The following NMD3 variants were observed in gnomAD, a reference collection of about 807,000 sequenced individuals.
The protein encoded by NMD3 is 60S ribosomal export protein NMD3.
Under a neutral mutation model 73.1 loss-of-function variants are expected in NMD3, and 47 were observed. The observed-to-expected ratio is 0.64, with a 90% CI of 0.51 to 0.82. NMD3 has a LOEUF of 0.82. Among genes scored for constraint, NMD3 ranks in the 40% least tolerant of loss-of-function variants. The probability of loss-of-function intolerance (pLI) is 0.00; values close to 1 mark genes in which losing one functional copy is unlikely to be tolerated. For missense variants in NMD3, 554 were observed against 612.5 expected, an observed-to-expected ratio of 0.90 and a Z score of 1.01; for synonymous variants, 210 against 194.5, an observed-to-expected ratio of 1.08 and a Z score of -0.66.
chr3:161,241,403 AT>A (rs1736978949), intron 10 of NMD3, among the ~76,000 whole-genome samples: 1 of 145,712 alleles, frequency 6.9e-6, no homozygotes, highest in Non-Finnish European at 1.5e-5. Flanking sequence ...TATTCCATTA[AT>A]TTTTACTGAA....
intron 4 of NMD3, among the ~76,000 whole-genome samples, chr3:161,228,903 CTG>C (rs1286245577): frequency 6.6e-6 from 1 of 152,062 alleles, no homozygotes. Flanking sequence ...AGGATAAGAA[CTG>C]TGCATGGAAG....
chr3:161,240,975 T>G, intron 9 of NMD3, 71 bp from the exon 10 acceptor site: 1 of 850,690 alleles, frequency 1.2e-6, no homozygotes, highest in Non-Finnish European at 1.9e-6. Context: ...GGATTGGGTG[T>G]TTATTGATGA....
At chr3:161,241,551 GCTGGGAT>G (rs1398691316) in intron 10 of NMD3, among the ~76,000 whole-genome samples, 1 of 151,636 alleles carries the variant, frequency 6.6e-6, no homozygotes, top group Non-Finnish European at 1.5e-5. Flanking sequence ...TTCCCAAGTA[GCTGGGAT>G]TACAGGTGCC....
At position 161,235,200 on chromosome 3, in the gene NMD3, A is replaced by G; in HGVS notation, c.565A>G (p.Lys189Glu). 1 of 1,510,230 alleles carries G rather than the reference A, an allele frequency of 6.6e-7. No individual in the cohort carries two copies. Among genetic ancestry groups the G allele is most frequent in the East Asian group, 2.3e-5 (1 of 43,926 alleles). 93.6% of individuals were successfully genotyped at this position (1,510,230 alleles called of 1,614,324 possible). A position where few individuals can be genotyped will look rare whatever the true frequency, so the allele number is the denominator to read the frequency against. ...YGMHQNTLRI[K>E]EIHDGLDFYY... ...AATGCATCAGAATACACTTCGTATCAAAGAGATTCATGGTGAGTTAAAACT... is the reference window on the plus strand; with the variant it reads ...AATGCATCAGAATACACTTCGTATCGAAGAGATTCATGGTGAGTTAAAACT... Residue 189 changes from lysine to glutamate, a missense_variant, in exon 7 of 16, where the codon AAA (lysine) becomes GAA (glutamate). Lys to Glu is a moderately conservative substitution (Grantham distance 56, BLOSUM62 1). Coordinates refer to ENST00000351193, the MANE Select transcript of NMD3 (RefSeq NM_015938.5).
intron 11 of NMD3, among the ~76,000 whole-genome samples, chr3:161,244,450 T>G (rs1330401512): frequency 6.6e-6 from 1 of 152,186 alleles, no homozygotes; most frequent in Admixed American, 6.5e-5. Context: ...TATTAATTCT[T>G]TTAGCAAATA....
At chr3:161,247,401 A>G in intron 13 of NMD3, 71 bp downstream of exon 13, 1 of 844,264 alleles carries the variant, frequency 1.2e-6, no homozygotes, top group Non-Finnish European at 1.9e-6. Flanking sequence ...GGTAAGAGGT[A>G]GGAGTTCACA....
chr3:161,247,338 T>G lies in NMD3; in HGVS notation c.1203+8T>G. 1 of 1,586,248 alleles carries G rather than the reference T, an allele frequency of 6.3e-7. No homozygotes were observed. The highest frequency in any genetic ancestry group is 8.7e-7 in the Non-Finnish European group (1 of 1,155,438). Reference sequence around the variant, plus strand: ...GATAGAGTTCCAGATGTGGTAAGGCTTTAGATTTTTCCCTTTTTTCCTGTG... The same window carrying G: ...GATAGAGTTCCAGATGTGGTAAGGCGTTAGATTTTTCCCTTTTTTCCTGTG... On this transcript the variant is annotated splice_region_variant and intron_variant, in intron 13 of 15. Transcript: ENST00000351193.
At chr3:161,247,770 CAAG>C (rs1270090429) in intron 13 of NMD3, among the ~76,000 whole-genome samples, 2 of 137,346 alleles carry the variant, frequency 1.5e-5, no homozygotes, top group Non-Finnish European at 3.1e-5. Flanking sequence ...GGCTGGGCAA[CAAG>C]AACAAAACTC....
intron 5 of NMD3, among the ~76,000 whole-genome samples, chr3:161,234,438 A>T (rs945468938): frequency 1.0e-5 from 1 of 99,534 alleles, no homozygotes; most frequent in Non-Finnish European, 1.8e-5. Context: ...CTCAAAAAAA[A>T]TTATATATAT....
intron 9 of NMD3, among the ~76,000 whole-genome samples, chr3:161,240,697 AT>A (rs1370762971): frequency 1.4e-5 from 1 of 71,400 alleles, no homozygotes; most frequent in Non-Finnish European, 3.1e-5. Flanking sequence ...GCTAATTAAA[AT>A]ATATATATAT....
In NMD3 at chr3:161,250,972, G is replaced by GTC. The variant is rs1294603053; in HGVS notation, c.*66_*67dup. On this transcript the variant is annotated 3_prime_UTR_variant, in exon 16 of 16. Transcript: ENST00000351193. ...GAAGTTGGACAGAGTTACCTTAAGT[G>GTC]TCTCTACTATCTTTGCCTCCAGATT... 6.5e-6 allele frequency: 9 copies of GTC among 1,382,838 alleles called. No individual in the cohort carries two copies. Among genetic ancestry groups the GTC allele is most frequent in the Non-Finnish European group, 9.1e-6 (9 of 992,486 alleles). 85.7% of individuals were successfully genotyped at this position (1,382,838 alleles called of 1,614,324 possible).
At chr3:161,227,943 C>T (rs368912272) in intron 4 of NMD3, among the ~76,000 whole-genome samples, 1 of 151,988 alleles carries the variant, frequency 6.6e-6, no homozygotes, top group Non-Finnish European at 1.5e-5. Context: ...GTAAAACCAT[C>T]ACTAAACATA....
In NMD3 at chr3:161,225,182, A is replaced by T. The variant is rs1479755401; in HGVS notation, c.179+118A>T. 8.0e-6 allele frequency: 9 copies of T among 1,129,490 alleles called. No individual in the cohort carries two copies. The East Asian group carries it at 2.4e-4, about 30-fold the overall frequency. The allele number at this position is 1,129,490 out of a possible 1,614,324, so 70.0% of individuals were successfully genotyped here. On this transcript the variant is annotated intron_variant, in intron 3 of 15. Coordinates refer to ENST00000351193, the MANE Select transcript of NMD3 (RefSeq NM_015938.5). ...GTAAAGTGCATGCAATTAAGGTTTA[A>T]ATTTTCTGTTGGTGTCGCCAAAGAT...
chr3:161,230,771 C>T lies in NMD3; in HGVS notation c.277-2628C>T, dbSNP rs529328336. Among the ~76,000 whole-genome samples, 3 of 152,284 alleles carry T rather than the reference C, an allele frequency of 2.0e-5. No homozygotes were observed. The South Asian group carries it at 6.2e-4, about 32-fold the overall frequency. ...AGTATGGATAATTCATCTGTGGTAA[C>T]AGCAGGGAAGGTGTTGAGTGGGAGC... On this transcript the variant is annotated intron_variant, in intron 4 of 15. Coordinates refer to ENST00000351193, the MANE Select transcript of NMD3 (RefSeq NM_015938.5).
chr3:161,238,919 G>T (rs942544008), intron 9 of NMD3, 93 bp downstream of exon 9: 1 of 598,906 alleles, frequency 1.7e-6, no homozygotes, highest in African/African-American at 2.0e-5. Context: ...TTTCCTCTAG[G>T]GTTGGTTAAA....
At chr3:161,249,759 T>C in intron 14 of NMD3, 199 bp downstream of exon 14, 2 of 593,394 alleles carry the variant, frequency 3.4e-6, no homozygotes, top group Non-Finnish European at 3.0e-6. Flanking sequence ...TATTTCCTGG[T>C]TTATGACCTA....
intron 11 of NMD3, among the ~76,000 whole-genome samples, chr3:161,242,974 A>T (rs1250390098): frequency 1.3e-5 from 2 of 152,032 alleles, no homozygotes; most frequent in African/African-American, 4.8e-5. Context: ...GGTTATCTTG[A>T]CTTTTAAAAA....
At chr3:161,248,812 T>C (rs62279861) in intron 13 of NMD3, among the ~76,000 whole-genome samples, 25,252 of 152,028 alleles carry the variant, frequency 0.17, 2,292 homozygotes, top group East Asian at 0.24. Flanking sequence ...CATTGATTTC[T>C]TTAGCAGTGA....
At chr3:161,224,863 C>T in intron 2 of NMD3, 67 bp from the exon 3 acceptor site, 1 of 1,445,206 alleles carries the variant, frequency 6.9e-7, no homozygotes, top group Non-Finnish European at 9.4e-7. Flanking sequence ...GTTTGTTTGG[C>T]ATCTAAAAAA....
Sources: allele counts gnomAD v4.1 joint callset (sites outside exome capture counted in the v4.1 genomes callset), GRCh38; gene constraint gnomAD v4.1.1; transcripts MANE v1.5; gene names NCBI Gene and HGNC (gene_info 2026-07-23, HGNC 2026-07-21).